The following MACROD1 variants were observed in gnomAD, a reference collection of about 807,000 sequenced individuals.
The protein encoded by MACROD1 is mono-ADP ribosylhydrolase 1.
A neutral mutation model predicts 41.4 loss-of-function variants in MACROD1; 31 were observed. The ratio of observed to expected loss-of-function variants is 0.75; its 90% CI spans 0.56 to 1.01. The LOEUF is 1.01. Ranked by LOEUF, MACROD1 falls within the 50% of genes least tolerant of loss-of-function variation. The pLI is 0.00. For synonymous variants in MACROD1, 252 were observed against 203.4 expected, an observed-to-expected ratio of 1.24 and a Z score of -2.03; for missense variants, 473 against 460.0, an observed-to-expected ratio of 1.03 and a Z score of -0.26.
At position 63,998,684 on chromosome 11, in the gene MACROD1, G is replaced by A; in HGVS notation, c.*34C>T. 5 of 1,339,676 alleles carry A rather than the reference G, an allele frequency of 3.7e-6. No homozygotes were observed. Among genetic ancestry groups the A allele is most frequent in the South Asian group, 2.1e-5 (1 of 47,800 alleles). The allele number at this position is 1,339,676 out of a possible 1,614,324, so 83.0% of individuals were successfully genotyped here. On this transcript the variant is annotated 3_prime_UTR_variant, in exon 11 of 11. Transcript: ENST00000255681. The stretch of plus-strand genomic sequence containing the variant: ...GAGCTGGGAGCGGGGTCCCGAAGGC[G>A]GGTCTGAGGGCAGAGCAGAGTCAGA...
intron 3 of MACROD1, chr11:64,117,434 T>G (rs747095942): frequency 8.1e-6 from 13 of 1,612,846 alleles, no homozygotes; most frequent in African/African-American, 1.3e-5. Context: ...GCGTGGCCAA[T>G]GCGGCTGCCA....
chr11:64,123,340 A>ATT (rs35193913), intron 3 of MACROD1, among the ~76,000 whole-genome samples: 1 of 151,688 alleles, frequency 6.6e-6, no homozygotes, highest in African/African-American at 2.4e-5. Flanking sequence ...GAGAGGAGGC[A>ATT]TTTTTTTTTC....
chr11:64,020,097 TCAAAGACAATGTTA>T (rs1330399691), intron 3 of MACROD1, among the ~76,000 whole-genome samples: 4 of 152,154 alleles, frequency 2.6e-5, no homozygotes, highest in Non-Finnish European at 5.9e-5. Context: ...AACTTTTAGG[TCAAAGACAATGTTA>T]TCAGATATAA....
intron 1 of MACROD1, among the ~76,000 whole-genome samples, chr11:64,165,307 C>G (rs555071667): frequency 2.0e-5 from 3 of 152,322 alleles, no homozygotes; most frequent in Admixed American, 2.0e-4. Flanking sequence ...TCCACTTTGC[C>G]ACCAGCTCCG....
At position 64,154,653 on chromosome 11, in the gene MACROD1, C is replaced by T. The variant is rs565127972; in HGVS notation, c.299-2260G>A. On this transcript the variant is annotated intron_variant, in intron 1 of 10. Transcript: ENST00000255681. ...AGTTCCCCAAACAGCCAGGCTGCTT[C>T]CTGCCCCAGGCCCTTTGTACCTGCT... Among the ~76,000 whole-genome samples, 5 of 152,354 alleles carry T rather than the reference C, an allele frequency of 3.3e-5. No individual in the cohort carries two copies. The East Asian group carries it at 9.6e-4, about 29-fold the overall frequency.
intron 3 of MACROD1, chr11:64,060,292 C>T (rs1198513789): frequency 6.6e-6 from 1 of 152,230 alleles, no homozygotes; most frequent in Admixed American, 6.5e-5. Context: ...AGGTCTTCCT[C>T]CGCCTGCAGG....
intron 3 of MACROD1, among the ~76,000 whole-genome samples, chr11:64,020,672 C>A (rs1943141214): frequency 6.6e-6 from 1 of 152,038 alleles, no homozygotes; most frequent in Admixed American, 6.6e-5. Context: ...GTGATGCTCT[C>A]CTGGGGGGGC....
intron 3 of MACROD1, among the ~76,000 whole-genome samples, chr11:64,088,510 G>A (rs1016928098): frequency 6.6e-6 from 1 of 152,204 alleles, no homozygotes; most frequent in Non-Finnish European, 1.5e-5. Flanking sequence ...TCCTCACCAG[G>A]ACGGCAGAGG....
intron 3 of MACROD1, among the ~76,000 whole-genome samples, chr11:64,115,403 G>A (rs1944959771): frequency 6.7e-6 from 1 of 149,824 alleles, no homozygotes; most frequent in Admixed American, 6.6e-5. Context: ...TTGAATAGCT[G>A]AAAGTTTATG....
intron 3 of MACROD1, among the ~76,000 whole-genome samples, chr11:64,028,459 G>A (rs1590812870): frequency 6.6e-6 from 1 of 152,258 alleles, no homozygotes; most frequent in East Asian, 1.9e-4. Context: ...GAAAACGGTG[G>A]AGGGAGGTGG....
intron 3 of MACROD1, among the ~76,000 whole-genome samples, chr11:64,113,871 C>CATGGATGGATGGATGG (rs202172057): frequency 5.1e-5 from 4 of 77,916 alleles, no homozygotes; most frequent in East Asian, 3.3e-4. Context: ...TGGATTGATA[C>CATGGATGGATGGATGG]ATGGATGGAT....
intron 3 of MACROD1, among the ~76,000 whole-genome samples, chr11:64,044,526 A>G (rs1943548464): frequency 3.9e-5 from 6 of 152,168 alleles, no homozygotes; most frequent in Admixed American, 3.3e-4. Context: ...GGTGTGAGAC[A>G]CTGCGCCTGC....
chr11:64,153,774 C>T (rs1301986121), intron 1 of MACROD1, among the ~76,000 whole-genome samples: 1 of 152,158 alleles, frequency 6.6e-6, no homozygotes, highest in Non-Finnish European at 1.5e-5. Context: ...ACTTCTGCCC[C>T]CTCTTCCATA....
intron 3 of MACROD1, among the ~76,000 whole-genome samples, chr11:64,071,054 C>T (rs544797959): frequency 4.3e-4 from 65 of 152,290 alleles, no homozygotes; most frequent in African/African-American, 1.4e-3. Context: ...TCTCTGTGCA[C>T]CTGTTGGGGA....
intron 3 of MACROD1, among the ~76,000 whole-genome samples, chr11:64,065,580 G>A (rs1006498766): frequency 1.3e-5 from 2 of 151,944 alleles, no homozygotes; most frequent in Non-Finnish European, 2.9e-5. Flanking sequence ...ACGAGGTCAG[G>A]AGATCAAGAC....
intron 3 of MACROD1, among the ~76,000 whole-genome samples, chr11:64,040,477 TC>T (rs1943464033): frequency 1.3e-5 from 2 of 152,020 alleles, no homozygotes. Context: ...GGCCCATCCA[TC>T]CCCAGCTCTC....
At chr11:64,008,038 G>C (rs1942942104) in intron 4 of MACROD1, among the ~76,000 whole-genome samples, 1 of 152,276 alleles carries the variant, frequency 6.6e-6, no homozygotes. Flanking sequence ...CGGGCGATGG[G>C]AGATAGCGCC....
intron 3 of MACROD1, chr11:64,060,731 TG>T (rs1943884102): frequency 6.6e-6 from 1 of 152,254 alleles, no homozygotes; most frequent in Admixed American, 6.5e-5. Context: ...GGCTGAGCTC[TG>T]TGCCGAGCCC....
intron 3 of MACROD1, among the ~76,000 whole-genome samples, chr11:64,024,674 G>A (rs2134354656): frequency 6.6e-6 from 1 of 152,386 alleles, no homozygotes; most frequent in Middle Eastern, 3.4e-3. Context: ...TTGCAAGAAT[G>A]AGGGGCTGGT....
Sources: allele counts gnomAD v4.1 joint callset (sites outside exome capture counted in the v4.1 genomes callset), GRCh38; gene constraint gnomAD v4.1.1; transcripts MANE v1.5; gene names NCBI Gene and HGNC (gene_info 2026-07-23, HGNC 2026-07-21).